The following CHLSN variants were observed in gnomAD, a reference collection of about 807,000 sequenced individuals.
CHLSN encodes cholesin.
chr7:987,335 C>G, the CHLSN span: 1 of 1,567,004 alleles, frequency 6.4e-7, no homozygotes, highest in South Asian at 1.1e-5. Flanking sequence ...AGCGGCCCAC[C>G]CTTTGCCCCA....
the CHLSN span, among the ~76,000 whole-genome samples, chr7:1,110,809 G>T: frequency 1.3e-5 from 2 of 151,324 alleles, no homozygotes; most frequent in African/African-American, 4.9e-5. Context: ...CAATAGAAGT[G>T]GTTAAAAAAA....
the CHLSN span, among the ~76,000 whole-genome samples, chr7:1,106,408 G>A: frequency 3.3e-5 from 5 of 152,200 alleles, no homozygotes; most frequent in Non-Finnish European, 7.3e-5. Context: ...TGGGGGAGAG[G>A]ACAGAGCCAA....
the CHLSN span, among the ~76,000 whole-genome samples, chr7:1,101,191 C>T: frequency 6.6e-6 from 1 of 152,278 alleles, no homozygotes; most frequent in Non-Finnish European, 1.5e-5. Context: ...TGCTGGGAAA[C>T]GTCAGCTGCT....
the CHLSN span, chr7:1,044,732 C>CCAAG: frequency 6.6e-6 from 1 of 152,264 alleles, no homozygotes; most frequent in Non-Finnish European, 1.5e-5. Context: ...GGAGCCAGCC[C>CCAAG]CAAGCTGCTG....
the CHLSN span, among the ~76,000 whole-genome samples, chr7:1,127,653 A>ATCT: frequency 2.3e-3 from 106 of 46,656 alleles, 5 homozygotes; most frequent in East Asian, 0.016. Context: ...GTGCAGTGGC[A>ATCT]CAATCTCGGC....
chr7:1,013,131 C>T, the CHLSN span, among the ~76,000 whole-genome samples: 1 of 151,868 alleles, frequency 6.6e-6, no homozygotes, highest in Non-Finnish European at 1.5e-5. Flanking sequence ...TTGGCCTGCA[C>T]AGTGTCTGGC....
chr7:1,009,706 A>G, the CHLSN span, among the ~76,000 whole-genome samples: 6 of 152,292 alleles, frequency 3.9e-5, no homozygotes, highest in East Asian at 1.2e-3. Context: ...ACCCATTTCT[A>G]AAAGCACAGT....
At chr7:1,020,770 A>T in the CHLSN span, among the ~76,000 whole-genome samples, 1 of 152,182 alleles carries the variant, frequency 6.6e-6, no homozygotes, top group East Asian at 1.9e-4. Context: ...ACCCCTGCAG[A>T]CGGCCTGGGC....
At chr7:1,036,088 G>A in the CHLSN span, among the ~76,000 whole-genome samples, 3 of 152,232 alleles carry the variant, frequency 2.0e-5, no homozygotes, top group East Asian at 1.9e-4. Flanking sequence ...AAAGGGTTCC[G>A]TGGTGGTCAG....
At chr7:1,102,565 C>A in the CHLSN span, among the ~76,000 whole-genome samples, 1 of 148,960 alleles carries the variant, frequency 6.7e-6, no homozygotes, top group African/African-American at 2.5e-5. Flanking sequence ...CTTCCATTCA[C>A]CTGTTTTTAA....
At chr7:1,002,734 A>G in the CHLSN span, among the ~76,000 whole-genome samples, 28 of 45,932 alleles carry the variant, frequency 6.1e-4, no homozygotes, top group African/African-American at 5.9e-4. Context: ...GGTGAGTGGA[A>G]TCCTGTGGGT....
At chr7:1,100,967 T>G in the CHLSN span, among the ~76,000 whole-genome samples, 1 of 152,082 alleles carries the variant, frequency 6.6e-6, no homozygotes, top group Admixed American at 6.6e-5. Context: ...AGGCGGGGTC[T>G]GCAAAGGCCC....
chr7:1,038,394 C>T, the CHLSN span, among the ~76,000 whole-genome samples: 1 of 89,708 alleles, frequency 1.1e-5, no homozygotes, highest in African/African-American at 4.7e-5. Context: ...GTGAGGGGCC[C>T]CTCAGCCCGG....
At chr7:995,539 C>T in the CHLSN span, among the ~76,000 whole-genome samples, 1 of 152,256 alleles carries the variant, frequency 6.6e-6, no homozygotes, top group Non-Finnish European at 1.5e-5. Flanking sequence ...GAGGCTGCTG[C>T]CCCTTCTTTG....
At chr7:1,023,525 G>A in the CHLSN span, among the ~76,000 whole-genome samples, 1 of 151,620 alleles carries the variant, frequency 6.6e-6, no homozygotes, top group South Asian at 2.1e-4. This position sits in a 1 kb window ranked among gnomAD's most constrained non-coding sequence, Gnocchi z 5.0. Context: ...TAGGAAGGAG[G>A]TTCCTGCCCT....
At chr7:1,119,909 A>G in the CHLSN span, among the ~76,000 whole-genome samples, 125 of 152,160 alleles carry the variant, frequency 8.2e-4, no homozygotes, top group Non-Finnish European at 1.4e-3. Context: ...AATGCTCAAC[A>G]AAAGATTCTA....
At chr7:1,022,221 G>A in the CHLSN span, among the ~76,000 whole-genome samples, 2 of 152,300 alleles carry the variant, frequency 1.3e-5, no homozygotes, top group South Asian at 2.1e-4. Context: ...GAGGACAGAC[G>A]CAGGCCTGCG....
the CHLSN span, among the ~76,000 whole-genome samples, chr7:1,001,989 G>GA: frequency 1.9e-5 from 2 of 103,194 alleles, no homozygotes; most frequent in African/African-American, 4.0e-5. Context: ...TCCTGTGGGT[G>GA]GGGAGTCCTG....
At chr7:1,131,461 C>A in the CHLSN span, among the ~76,000 whole-genome samples, 1 of 152,212 alleles carries the variant, frequency 6.6e-6, no homozygotes, top group African/African-American at 2.4e-5. Flanking sequence ...CCCCATCCCA[C>A]TCGGGGCTAT....
Sources: allele counts gnomAD v4.1 joint callset (sites outside exome capture counted in the v4.1 genomes callset), GRCh38; gene constraint gnomAD v4.1.1; non-coding constraint Gnocchi (gnomAD v3.1); transcripts MANE v1.5; gene names NCBI Gene and HGNC (gene_info 2026-07-23, HGNC 2026-07-21).